The following CNTNAP5 variants were observed in gnomAD, a reference collection of about 807,000 sequenced individuals.
The protein encoded by CNTNAP5 is contactin associated protein family member 5.
A neutral mutation model predicts 150.2 loss-of-function variants in CNTNAP5; 72 were observed. That is an observed-to-expected ratio of 0.48 (90% CI 0.40 to 0.58). CNTNAP5 has a LOEUF of 0.58. Ranked by LOEUF, CNTNAP5 falls within the 20% of genes least tolerant of loss-of-function variation. The probability of loss-of-function intolerance (pLI) is 0.00; values close to 1 mark genes in which losing one functional copy is unlikely to be tolerated. For missense variants in CNTNAP5, 1,636 were observed against 1,626.2 expected, an observed-to-expected ratio of 1.01 and a Z score of -0.10; for synonymous variants, 672 against 619.8, an observed-to-expected ratio of 1.08 and a Z score of -1.25.
At chr2:124,318,353 A>G (rs1304998241) in intron 3 of CNTNAP5, among the ~76,000 whole-genome samples, 1 of 152,256 alleles carries the variant, frequency 6.6e-6, no homozygotes, top group East Asian at 1.9e-4. Flanking sequence ...CAAACAGAAT[A>G]TATATTTTAA....
At position 124,764,089 on chromosome 2, in the gene CNTNAP5, A is replaced by G. The variant is rs553668992; in HGVS notation, c.2475A>G (p.Leu825=). 6.2e-7 allele frequency: 1 copy of G among 1,613,206 alleles called. No individual in the cohort carries two copies. The highest frequency in any genetic ancestry group is 1.7e-5 in the Admixed American group (1 of 59,964). Residue 825 remains leucine, a synonymous_variant, in exon 16 of 24, where the codon TTA becomes TTG. Coordinates refer to ENST00000682447, the MANE Select transcript of CNTNAP5 (RefSeq NM_001367498.1). The stretch of plus-strand genomic sequence containing the variant: ...CCTTCTTTTTTAAAACCACAGCATT[A>G]TCCGGAGTTTTCCTAGAAAATCTTG... ...DISFFFKTTA[L]SGVFLENLGI...
At chr2:124,362,804 G>C (rs1311763371) in intron 3 of CNTNAP5, among the ~76,000 whole-genome samples, 1 of 152,134 alleles carries the variant, frequency 6.6e-6, no homozygotes, top group East Asian at 1.9e-4. Context: ...CTTAACAATG[G>C]ATTTTACGCC....
Position 124,242,480 on chromosome 2 carries a change from A to T in CNTNAP5, c.381+87A>T, listed in dbSNP as rs139247021. 169 of 1,303,064 alleles carry T rather than the reference A, an allele frequency of 1.3e-4. 1 individual carries two copies. In the East Asian group the frequency reaches 3.1e-3, roughly 24 times the overall value. 80.7% of individuals were successfully genotyped at this position (1,303,064 alleles called of 1,614,324 possible). A position where few individuals can be genotyped will look rare whatever the true frequency, so the allele number is the denominator to read the frequency against. ...ATTTCCGTCATTTTCCAATATCCAG[A>T]TTGTTGGTAGTTTAATAACTGGTGA... On this transcript the variant is annotated intron_variant, in intron 3 of 23. Coordinates refer to ENST00000682447, the MANE Select transcript of CNTNAP5 (RefSeq NM_001367498.1).
intron 19 of CNTNAP5, among the ~76,000 whole-genome samples, chr2:124,851,923 T>G (rs1683167172): frequency 6.6e-6 from 1 of 152,142 alleles, no homozygotes; most frequent in African/African-American, 2.4e-5. Context: ...AAATATCCAC[T>G]TTCAAGAAGC....
chr2:124,872,059 T>A (rs1284047544), intron 21 of CNTNAP5, among the ~76,000 whole-genome samples: 1 of 152,118 alleles, frequency 6.6e-6, no homozygotes, highest in African/African-American at 2.4e-5. Context: ...TCTGGGCAAT[T>A]CATTTGGCTT....
chr2:124,660,743 T>C, intron 13 of CNTNAP5, among the ~76,000 whole-genome samples: 1 of 151,714 alleles, frequency 6.6e-6, no homozygotes, highest in East Asian at 1.9e-4. Context: ...CATCTAAACA[T>C]ACCTAAATAT....
intron 11 of CNTNAP5, among the ~76,000 whole-genome samples, chr2:124,585,386 G>A (rs1053427280): frequency 6.6e-6 from 1 of 152,210 alleles, no homozygotes; most frequent in Non-Finnish European, 1.5e-5. Context: ...TGGCAAAACA[G>A]GGATGGGAGT....
chr2:124,713,580 C>T (rs190613241), intron 13 of CNTNAP5, among the ~76,000 whole-genome samples: 3 of 151,692 alleles, frequency 2.0e-5, no homozygotes, highest in East Asian at 2.0e-4. Flanking sequence ...TTCACTATGT[C>T]GGCTAGGGTG....
intron 11 of CNTNAP5, among the ~76,000 whole-genome samples, chr2:124,600,843 C>G (rs143842132): frequency 2.6e-4 from 40 of 151,274 alleles, no homozygotes; most frequent in African/African-American, 6.1e-4. Flanking sequence ...AGTGAGTAGA[C>G]GAATAGGAAC....
At chr2:124,414,876 T>C (rs919207106) in intron 3 of CNTNAP5, among the ~76,000 whole-genome samples, 1 of 152,018 alleles carries the variant, frequency 6.6e-6, no homozygotes, top group Non-Finnish European at 1.5e-5. Flanking sequence ...GGAGGTGGGA[T>C]ATGGTGCACA....
intron 1 of CNTNAP5, among the ~76,000 whole-genome samples, chr2:124,123,857 G>GA (rs1267405297): frequency 6.6e-6 from 1 of 152,138 alleles, no homozygotes; most frequent in Non-Finnish European, 1.5e-5. Context: ...CTGTTAGAAG[G>GA]AAAACTAACA....
chr2:124,731,103 C>T (rs1184905224), intron 13 of CNTNAP5, among the ~76,000 whole-genome samples: 1 of 152,106 alleles, frequency 6.6e-6, no homozygotes, highest in Non-Finnish European at 1.5e-5. Context: ...AACTTTCTGT[C>T]TATGCCTTGC....
chr2:124,045,254 T>G (rs1681497006), intron 1 of CNTNAP5, among the ~76,000 whole-genome samples: 1 of 151,210 alleles, frequency 6.6e-6, no homozygotes, highest in East Asian at 1.9e-4. Flanking sequence ...CATTTGAAAA[T>G]AAATGTCTTT....
chr2:124,870,040 T>C (rs1260216597), intron 21 of CNTNAP5, among the ~76,000 whole-genome samples: 27 of 152,162 alleles, frequency 1.8e-4, no homozygotes, highest in Admixed American at 1.8e-3. Flanking sequence ...AATATATTTT[T>C]AAGTTTTACT....
intron 12 of CNTNAP5, among the ~76,000 whole-genome samples, chr2:124,620,747 A>G (rs1423037604): frequency 1.7e-3 from 122 of 73,836 alleles, no homozygotes; most frequent in Middle Eastern, 5.7e-3. Context: ...ACACACATGC[A>G]CACACACACA....
intron 1 of CNTNAP5, among the ~76,000 whole-genome samples, chr2:124,159,959 C>G (rs1278569213): frequency 6.6e-6 from 1 of 152,150 alleles, no homozygotes; most frequent in Non-Finnish European, 1.5e-5. Context: ...AAGCAATATT[C>G]CTGTTTTTTA....
intron 11 of CNTNAP5, among the ~76,000 whole-genome samples, chr2:124,569,832 TG>T (rs1696112036): frequency 6.6e-6 from 1 of 152,222 alleles, no homozygotes; most frequent in African/African-American, 2.4e-5. Flanking sequence ...TCAAGTCATC[TG>T]GCTATCAGAT....
At chr2:124,261,744 C>T (rs572642756) in intron 3 of CNTNAP5, among the ~76,000 whole-genome samples, 2 of 152,250 alleles carry the variant, frequency 1.3e-5, no homozygotes, top group South Asian at 4.1e-4. Context: ...TATTTCTTGG[C>T]TGTCAAAAAC....
At chr2:124,036,020 G>A (rs1186554449) in intron 1 of CNTNAP5, among the ~76,000 whole-genome samples, 5 of 147,792 alleles carry the variant, frequency 3.4e-5, no homozygotes, top group Admixed American at 6.8e-5. Flanking sequence ...CGCTTCCCGG[G>A]TTCACGCCAT....
Sources: allele counts gnomAD v4.1 joint callset (sites outside exome capture counted in the v4.1 genomes callset), GRCh38; gene constraint gnomAD v4.1.1; transcripts MANE v1.5; gene names NCBI Gene and HGNC (gene_info 2026-07-23, HGNC 2026-07-21).